Variants in RUNX1T1 observed in about 807,000 individuals in gnomAD.
RUNX1T1 encodes protein CBFA2T1.
Under a neutral mutation model 62.8 loss-of-function variants are expected in RUNX1T1, and 4 were observed. The observed-to-expected ratio is 0.06, with a 90% CI of 0.03 to 0.15. RUNX1T1 has a LOEUF of 0.15. RUNX1T1 is among the 10% of genes least tolerant of loss of function. The pLI is 1.00. For synonymous variants in RUNX1T1, 291 were observed against 286.0 expected (o/e 1.02, Z -0.18); for missense variants, 508 against 754.3 (o/e 0.67, Z 3.82).
At chr8:92,062,708 G>A (rs775875343) in exon 1 of RUNX1T1, 9 of 1,580,198 alleles carry the variant, frequency 5.7e-6, no homozygotes, top group South Asian at 3.3e-5. Flanking sequence ...GGGCGCGTGC[G>A]CCTGCCAGGC....
intron 1 of RUNX1T1, among the ~76,000 whole-genome samples, chr8:92,058,249 A>C (rs1027220254): frequency 3.9e-5 from 6 of 152,336 alleles, no homozygotes; most frequent in African/African-American, 1.4e-4. Context: ...TCTACTACCC[A>C]ACTTTCCTCA....
chr8:92,062,648 G>A lies in RUNX1T1; in HGVS notation c.-96C>T, dbSNP rs1373726967. 6 of 1,613,900 alleles carry A rather than the reference G, an allele frequency of 3.7e-6. No individual in the cohort carries two copies. The South Asian group carries it at 4.4e-5, about 12-fold the overall frequency. On this transcript the variant is annotated 5_prime_UTR_variant, in exon 1 of 11. Coordinates refer to ENST00000396218, the Ensembl canonical transcript of RUNX1T1. ...CTGTTCTGGAATGAGTGGCAGCAGA[G>A]AGGAGGGCCATCAGAGGGGCTGGGG...
chr8:91,971,541 A>G (rs1008914580), intron 9 of RUNX1T1, among the ~76,000 whole-genome samples: 4 of 152,358 alleles, frequency 2.6e-5, no homozygotes, highest in African/African-American at 7.2e-5. Flanking sequence ...TGAAAAATCA[A>G]TGCTATAATG....
exon 1 of RUNX1T1, chr8:92,062,574 C>T (rs768141794): frequency 2.5e-6 from 4 of 1,614,060 alleles, no homozygotes; most frequent in South Asian, 2.2e-5. Context: ...GCGTACCACA[C>T]AGAAAGTGGC....
chr8:91,960,206 T>C (rs1244223740), exon 11 of RUNX1T1: 1 of 1,588,328 alleles, frequency 6.3e-7, no homozygotes. Context: ...TCGCGTTGGT[T>C]GTGTTGTCTT....
intron 1 of RUNX1T1, among the ~76,000 whole-genome samples, chr8:92,022,097 A>C (rs527806508): frequency 6.6e-6 from 1 of 151,980 alleles, no homozygotes; most frequent in East Asian, 1.9e-4. Flanking sequence ...AACCAATGCA[A>C]ATGGTAAGCA....
intron 8 of RUNX1T1, among the ~76,000 whole-genome samples, chr8:91,983,886 C>T (rs75046354): frequency 6.6e-6 from 1 of 152,054 alleles, no homozygotes; most frequent in South Asian, 2.1e-4. Context: ...AGTAAGGATG[C>T]ACAGTGAAAA....
intron 9 of RUNX1T1, among the ~76,000 whole-genome samples, chr8:91,971,748 A>G (rs1812876419): frequency 1.3e-5 from 2 of 152,202 alleles, no homozygotes; most frequent in Non-Finnish European, 2.9e-5. Context: ...ATCATACCAC[A>G]GGCCAAAACA....
At chr8:92,001,998 C>A (rs1051202611) in intron 5 of RUNX1T1, among the ~76,000 whole-genome samples, 1 of 152,206 alleles carries the variant, frequency 6.6e-6, no homozygotes, top group East Asian at 1.9e-4. Flanking sequence ...CTTCTACTCT[C>A]TATCTGTAAG....
intron 1 of RUNX1T1, among the ~76,000 whole-genome samples, chr8:92,025,866 T>C (rs1306230836): frequency 6.6e-6 from 1 of 152,218 alleles, no homozygotes; most frequent in East Asian, 1.9e-4. Context: ...TACTACTGGA[T>C]TATTCAATTC....
chr8:92,063,099 A>G (rs1832337169), upstream of RUNX1T1: 1 of 354,732 alleles, frequency 2.8e-6, no homozygotes, highest in Non-Finnish European at 4.2e-6. Flanking sequence ...TGGGAACTGT[A>G]TTAAAAAAAA....
chr8:92,038,644 G>A (rs1018449722), intron 1 of RUNX1T1, among the ~76,000 whole-genome samples: 23 of 152,072 alleles, frequency 1.5e-4, no homozygotes, highest in African/African-American at 5.6e-4. Flanking sequence ...AAAAAACCAG[G>A]TTGCATTCAT....
At chr8:91,977,078 C>T (rs563018159) in intron 8 of RUNX1T1, 98 of 192,376 alleles carry the variant, frequency 5.1e-4, no homozygotes, top group East Asian at 5.8e-4. Context: ...AAGAAAAGCA[C>T]GATGAGTTTA....
downstream of RUNX1T1, chr8:91,955,509 G>A (rs1002292150): frequency 1.8e-5 from 4 of 225,678 alleles, no homozygotes; most frequent in African/African-American, 8.9e-5. Context: ...TTTTCCTGGT[G>A]TGCACTACCA....
intron 2 of RUNX1T1, among the ~76,000 whole-genome samples, chr8:92,016,505 TA>T (rs1180896195): frequency 1.3e-5 from 2 of 152,138 alleles, no homozygotes; most frequent in Non-Finnish European, 2.9e-5. Context: ...TGAAACCCCG[TA>T]TCTACTAAAA....
chr8:92,076,854 T>C (rs1039972873), intron 1 of RUNX1T1, among the ~76,000 whole-genome samples: 1 of 152,076 alleles, frequency 6.6e-6, no homozygotes, highest in Non-Finnish European at 1.5e-5. Flanking sequence ...TCACCTACTA[T>C]GATTAAAAAT....
At chr8:92,085,694 G>A (rs1226152049) in intron 1 of RUNX1T1, among the ~76,000 whole-genome samples, 1 of 152,092 alleles carries the variant, frequency 6.6e-6, no homozygotes, top group Non-Finnish European at 1.5e-5. Context: ...TAAATTAAGT[G>A]TTATCAGACA....
At chr8:92,022,820 T>G (rs1440780726) in intron 1 of RUNX1T1, among the ~76,000 whole-genome samples, 1 of 152,226 alleles carries the variant, frequency 6.6e-6, no homozygotes, top group Non-Finnish European at 1.5e-5. Flanking sequence ...GGATCTTACC[T>G]ATTCTCTGAT....
Position 91,992,427 on chromosome 8 carries a change from C to T in RUNX1T1, c.660-538G>A, listed in dbSNP as rs192858081. Among the ~76,000 whole-genome samples the T allele has an allele frequency of 2.8e-4, 42 of 152,280 alleles. 1 individual carries two copies. The East Asian group carries it at 4.8e-3, about 17-fold the overall frequency. On this transcript the variant is annotated intron_variant, in intron 5 of 10. Transcript: ENST00000396218. ...GTAAGTTACTTAAAATTAAATAAAG[C>T]TTAAAATTCAGTTCTTCAGTATCAC... is the stretch of plus-strand genomic sequence containing the variant.
Sources: allele counts gnomAD v4.1 joint callset (sites outside exome capture counted in the v4.1 genomes callset), GRCh38; gene constraint gnomAD v4.1.1; transcripts MANE v1.5; gene names NCBI Gene and HGNC (gene_info 2026-07-23, HGNC 2026-07-21).